The following ITSN1 variants were observed in gnomAD, a reference collection of about 807,000 sequenced individuals.
ITSN1 encodes the protein intersectin 1.
Under a neutral mutation model 239.8 loss-of-function variants are expected in ITSN1, and 58 were observed. That is an observed-to-expected ratio of 0.24 (90% confidence interval 0.20 to 0.30). The LOEUF (loss-of-function observed/expected upper bound fraction) is 0.30. Ranked by LOEUF, ITSN1 falls within the 10% of genes least tolerant of loss-of-function variation. The pLI, the probability that ITSN1 is intolerant of heterozygous loss-of-function variation, is 1.00. For missense variants in ITSN1, 1,558 were observed against 2,103.3 expected (o/e 0.74, Z 5.07); for synonymous variants, 780 against 770.8 (o/e 1.01, Z -0.20).
At chr21:33,668,058 A>G (rs1167030559) in intron 1 of ITSN1, among the ~76,000 whole-genome samples, 1 of 152,054 alleles carries the variant, frequency 6.6e-6, no homozygotes, top group Non-Finnish European at 1.5e-5. Flanking sequence ...CTTCCTAGAG[A>G]TTGGCTCCAC....
intron 1 of ITSN1, among the ~76,000 whole-genome samples, chr21:33,649,597 T>A (rs553302316): frequency 7.2e-5 from 11 of 152,288 alleles, no homozygotes; most frequent in Admixed American, 7.2e-4. Flanking sequence ...TGTCATTGTT[T>A]TTGTGTGGTA....
At chr21:33,874,151 C>T (rs1340792079) in intron 33 of ITSN1, among the ~76,000 whole-genome samples, 2 of 123,406 alleles carry the variant, frequency 1.6e-5, no homozygotes, top group African/African-American at 3.0e-5. Flanking sequence ...AGCAAAACTC[C>T]GTCTCAAAAA....
chr21:33,818,664 C>T (rs1163892946), intron 23 of ITSN1, among the ~76,000 whole-genome samples, 192 bp downstream of exon 23: 2 of 152,216 alleles, frequency 1.3e-5, no homozygotes, highest in Non-Finnish European at 2.9e-5. Flanking sequence ...TTTCTTCTCT[C>T]ATGAAAACCT....
chr21:33,681,966 C>T (rs1040255907), intron 1 of ITSN1, among the ~76,000 whole-genome samples: 3 of 151,312 alleles, frequency 2.0e-5, no homozygotes, highest in African/African-American at 7.3e-5. Context: ...CCGCGCCTGG[C>T]CTTGGAACCA....
At chr21:33,780,176 T>A (rs1023917121) in intron 14 of ITSN1, among the ~76,000 whole-genome samples, 6 of 152,202 alleles carry the variant, frequency 3.9e-5, no homozygotes, top group African/African-American at 1.2e-4. Flanking sequence ...CCTGGAAAAT[T>A]TAGGGATGAA....
chr21:33,841,313 A>G (rs958789541), intron 29 of ITSN1, among the ~76,000 whole-genome samples: 2 of 152,200 alleles, frequency 1.3e-5, no homozygotes, highest in Admixed American at 6.5e-5. Context: ...GAAATTGTCA[A>G]TTCTTACCTA....
intron 27 of ITSN1, among the ~76,000 whole-genome samples, chr21:33,833,012 G>A (rs1239440822): frequency 6.6e-6 from 1 of 151,996 alleles, no homozygotes; most frequent in Non-Finnish European, 1.5e-5. Flanking sequence ...AGACGTGTGT[G>A]TGTGTATGTG....
chr21:33,819,323 G>GGT lies in ITSN1; in HGVS notation c.3016+2_3016+3dup. On this transcript the variant is annotated frameshift_variant and splice_region_variant. Coordinates refer to ENST00000381318, the MANE Select transcript of ITSN1 (RefSeq NM_003024.3). LOFTEE classifies it high-confidence loss of function. ...AGCCAAGCCGGTCGTTTCGGGAGAAGGTGAGGGCCTGAGTTGTATTATGTT... is the reference window on the plus strand; with the variant it reads ...AGCCAAGCCGGTCGTTTCGGGAGAAGGTGTGAGGGCCTGAGTTGTATTATGTT... 1 of 1,612,550 alleles carries GGT rather than the reference G, an allele frequency of 6.2e-7. No individual in the cohort carries two copies. The highest frequency in any genetic ancestry group is 8.5e-7 in the Non-Finnish European group (1 of 1,178,594).
chr21:33,657,590 G>A (rs2089199494), intron 1 of ITSN1, among the ~76,000 whole-genome samples: 1 of 152,136 alleles, frequency 6.6e-6, no homozygotes, highest in African/African-American at 2.4e-5. Flanking sequence ...GTGTAATGAT[G>A]ATGTTCTGAT....
chr21:33,888,101 C>T (rs779053860), intron 39 of ITSN1, 51 bp from the exon 40 acceptor site: 10 of 1,587,192 alleles, frequency 6.3e-6, no homozygotes, highest in South Asian at 2.3e-5. Context: ...ACATGTGCCT[C>T]GAAGAGAGGG....
chr21:33,794,579 G>C (rs2071389431), intron 17 of ITSN1, 111 bp downstream of exon 17: 5 of 1,383,674 alleles, frequency 3.6e-6, no homozygotes, highest in Non-Finnish European at 4.9e-6. Context: ...TCAGTCTTTA[G>C]TGTGCATGTG....
chr21:33,660,860 C>T (rs1244891249), intron 1 of ITSN1, among the ~76,000 whole-genome samples: 3 of 152,050 alleles, frequency 2.0e-5, no homozygotes, highest in Non-Finnish European at 4.4e-5. Flanking sequence ...CTATTTTACC[C>T]CTGTTTGATT....
rs1020050119 is a variant in ITSN1, at chr21:33,652,963, T to A, written c.-33+10250T>A. Among the ~76,000 whole-genome samples the A allele has an allele frequency of 5.3e-5, 8 of 151,898 alleles. 1 individual carries two copies. The highest frequency in any genetic ancestry group is 1.9e-4 in the African/African-American group (8 of 41,294). On this transcript the variant is annotated intron_variant, in intron 1 of 39. Transcript: ENST00000381318. ...AGGGCATCAGTATCTTTGGCACAACTATAATCCACTTAAAGTACTGTGACT... is the reference window on the plus strand; with the variant it reads ...AGGGCATCAGTATCTTTGGCACAACAATAATCCACTTAAAGTACTGTGACT...
At chr21:33,763,798 T>C (rs1271954596) in intron 9 of ITSN1, among the ~76,000 whole-genome samples, 1 of 152,210 alleles carries the variant, frequency 6.6e-6, no homozygotes, top group East Asian at 1.9e-4. Context: ...AATGGTTTCT[T>C]AAGAAGTGTG....
At chr21:33,725,136 T>TG (rs2065750226) in intron 4 of ITSN1, among the ~76,000 whole-genome samples, 1 of 39,140 alleles carries the variant, frequency 2.6e-5, no homozygotes, top group African/African-American at 2.1e-4. Context: ...TTTTTTTGTT[T>TG]TTTTTTTTTT....
Position 33,794,558 on chromosome 21 carries a change from A to G in ITSN1, c.1952+90A>G, listed in dbSNP as rs907690624. ...GGCTTCTCCAAGTAGTTACTGCACCAGAAAGAGCCTTCAGTCTTTAGTGTG... is the reference window on the plus strand; with the variant it reads ...GGCTTCTCCAAGTAGTTACTGCACCGGAAAGAGCCTTCAGTCTTTAGTGTG... On this transcript the variant is annotated intron_variant, in intron 17 of 39. Transcript: ENST00000381318. The G allele has an allele frequency of 4.0e-6, 6 of 1,503,550 alleles. No homozygotes were observed. In the African/African-American group the frequency reaches 5.6e-5, roughly 14 times the overall value. 93.1% of individuals were successfully genotyped at this position (1,503,550 alleles called of 1,614,324 possible).
chr21:33,673,034 C>G (rs1401340984), intron 1 of ITSN1, among the ~76,000 whole-genome samples: 1 of 151,720 alleles, frequency 6.6e-6, no homozygotes, highest in Non-Finnish European at 1.5e-5. Context: ...GTGTCTGTTG[C>G]CAGACAAAAA....
At chr21:33,766,997 G>A (rs761466937) in intron 10 of ITSN1, among the ~76,000 whole-genome samples, 1 of 151,546 alleles carries the variant, frequency 6.6e-6, no homozygotes, top group Non-Finnish European at 1.5e-5. Context: ...GTGAAACCCC[G>A]TCTCTACTAA....
rs540104834 is a variant in ITSN1, at chr21:33,792,469, C to G, written c.1825-1872C>G. On this transcript the variant is annotated intron_variant, in intron 16 of 39. Coordinates refer to ENST00000381318, the MANE Select transcript of ITSN1 (RefSeq NM_003024.3). ...TTGCTGTAAATTATTTTTTCTGAAC[C>G]TATTTAAGAATTTGATGGTCTTGAA... Among the ~76,000 whole-genome samples, 9 of 152,218 alleles carry G rather than the reference C, an allele frequency of 5.9e-5. No individual in the cohort carries two copies. The East Asian group carries it at 1.7e-3, about 29-fold the overall frequency.
Sources: gnomAD v4.1 joint callset for allele counts (sites outside exome capture counted in the v4.1 genomes callset) on GRCh38, gnomAD v4.1.1 for gene constraint, MANE v1.5 for transcripts, NCBI Gene and HGNC (gene_info 2026-07-23, HGNC 2026-07-21) for gene names.